Variants in RAB3IL1 observed in about 807,000 individuals in gnomAD.
RAB3IL1 encodes the protein RAB3A interacting protein like 1.
Under a neutral mutation model 49.2 loss-of-function variants are expected in RAB3IL1, and 37 were observed. The ratio of observed to expected loss-of-function variants is 0.75; its 90% CI spans 0.58 to 0.99. The LOEUF (loss-of-function observed/expected upper bound fraction) is 0.99. Among genes scored for constraint, RAB3IL1 ranks in the 50% least tolerant of loss-of-function variants. The probability of loss-of-function intolerance (pLI) is 0.00; values close to 1 mark genes in which losing one functional copy is unlikely to be tolerated. For missense variants in RAB3IL1, 484 were observed against 513.0 expected (o/e 0.94, Z 0.55); for synonymous variants, 193 against 213.9 (o/e 0.90, Z 0.85).
the RAB3IL1 span, chr11:61,945,841 C>T: frequency 3.1e-6 from 3 of 982,972 alleles, no homozygotes; most frequent in African/African-American, 5.2e-5. Context: ...TGCCTTGTGT[C>T]TCTAGTTGGT....
In RAB3IL1 at chr11:61,906,683, A is replaced by G. The variant is rs778133406; in HGVS notation, c.440T>C (p.Ile147Thr). ...TGTCACCTCTGCCTGCAGCATGTCG[A>G]TCTGCATGGGATGGGATGGCTGTCA... ...EKQLKEARGK[I>T]DMLQAEVTAL... Residue 147 changes from isoleucine (I) to threonine (T), a missense_variant and splice_region_variant, in exon 5 of 10, where the codon ATC (isoleucine) becomes ACC (threonine). Coordinates refer to ENST00000394836, the MANE Select transcript of RAB3IL1 (RefSeq NM_013401.4). This position sits in a 1 kb window ranked among gnomAD's most constrained non-coding sequence, Gnocchi z 4.6. 6.2e-6 allele frequency: 10 copies of G among 1,605,844 alleles called. No homozygotes were observed. In the South Asian group the frequency reaches 1.1e-4, roughly 18 times the overall value.
the RAB3IL1 span, among the ~76,000 whole-genome samples, chr11:61,935,132 T>C: frequency 1.1e-4 from 17 of 151,996 alleles, no homozygotes; most frequent in Admixed American, 3.9e-4. Flanking sequence ...AAAAATAAAC[T>C]AATAGAAACT....
chr11:61,921,434 T>TC (rs1939904357), upstream of RAB3IL1, among the ~76,000 whole-genome samples: 3 of 152,190 alleles, frequency 2.0e-5, no homozygotes. Context: ...TCCTCTTCTT[T>TC]CCACATACTA....
chr11:61,942,478 C>G, the RAB3IL1 span, among the ~76,000 whole-genome samples: 1 of 151,902 alleles, frequency 6.6e-6, no homozygotes, highest in Non-Finnish European at 1.5e-5. Context: ...AAAAAACAAA[C>G]AAACAAACAA....
Position 61,898,023 on chromosome 11 carries a change from G to A in RAB3IL1, c.*255C>T, listed in dbSNP as rs1591210834. 13 of 483,804 alleles carry A rather than the reference G, an allele frequency of 2.7e-5. No homozygotes were observed. The allele number at this position is 483,804 out of a possible 1,614,324, so 30.0% of individuals were successfully genotyped here. A position where few individuals can be genotyped will look rare whatever the true frequency, so the allele number is the denominator to read the frequency against. ...ATGGATCCGAGCTCCCTGGTCTTTG[G>A]TGCTTTCTTGAAATCCTCCTGGTGG... is the stretch of plus-strand genomic sequence containing the variant. On this transcript the variant is annotated 3_prime_UTR_variant, in exon 10 of 10. Transcript: ENST00000394836. The surrounding 1 kb of genome is among the most constrained non-coding windows in gnomAD (Gnocchi z 5.1).
In RAB3IL1 at chr11:61,907,380, G is replaced by T. The variant is rs766094284; in HGVS notation, c.438+13C>A. On this transcript the variant is annotated intron_variant, in intron 4 of 9. Coordinates refer to ENST00000394836, the MANE Select transcript of RAB3IL1 (RefSeq NM_013401.4). The stretch of plus-strand genomic sequence containing the variant: ...TGCCTGGGCTGGCCTGGGCAGGCGG[G>T]GATGGGCCTCACCTTGCCCCGAGCC... 1 of 1,612,384 alleles carries T rather than the reference G, an allele frequency of 6.2e-7. No homozygotes were observed. The highest frequency in any genetic ancestry group is 1.7e-5 in the Admixed American group (1 of 59,962).
the RAB3IL1 span, among the ~76,000 whole-genome samples, chr11:61,934,444 G>A: frequency 1.7e-4 from 14 of 83,634 alleles, no homozygotes; most frequent in African/African-American, 4.4e-4. Context: ...GTGTGTGTGT[G>A]TGTATGTATA....
rs1390410267 is a variant in RAB3IL1, at chr11:61,906,690, T to C, written c.439-6A>G. On this transcript the variant is annotated splice_polypyrimidine_tract_variant and splice_region_variant and intron_variant, in intron 4 of 9. Coordinates refer to ENST00000394836, the MANE Select transcript of RAB3IL1 (RefSeq NM_013401.4). This position sits in a 1 kb window ranked among gnomAD's most constrained non-coding sequence, Gnocchi z 4.6. ...TCTGCCTGCAGCATGTCGATCTGCA[T>C]GGGATGGGATGGCTGTCAACCCTCA... 1.8e-5 allele frequency: 29 copies of C among 1,600,314 alleles called. No individual in the cohort carries two copies. Among genetic ancestry groups the C allele is most frequent in the Non-Finnish European group, 2.4e-5 (28 of 1,173,728 alleles).
In RAB3IL1 at chr11:61,906,429, C is replaced by T; in HGVS notation, c.657+37G>A. On this transcript the variant is annotated intron_variant, in intron 5 of 9. Coordinates refer to ENST00000394836, the MANE Select transcript of RAB3IL1 (RefSeq NM_013401.4). The surrounding 1 kb of genome is among the most constrained non-coding windows in gnomAD (Gnocchi z 4.6). ...ACCCTGCCTACCGCAGGCACTGCCA[C>T]CCTTCCCCGTGCCCAGAGCCCGCTT... 1.3e-6 allele frequency: 2 copies of T among 1,521,828 alleles called. No homozygotes were observed. Among genetic ancestry groups the T allele is most frequent in the Non-Finnish European group, 1.8e-6 (2 of 1,132,580 alleles). The allele number at this position is 1,521,828 out of a possible 1,614,324, so 94.3% of individuals were successfully genotyped here. A position where few individuals can be genotyped will look rare whatever the true frequency, so the allele number is the denominator to read the frequency against.
intron 5 of RAB3IL1, among the ~76,000 whole-genome samples, chr11:61,905,334 G>A (rs1005085538): frequency 1.3e-5 from 2 of 152,206 alleles, no homozygotes; most frequent in African/African-American, 2.4e-5. Context: ...CAGGCCACAT[G>A]CAGAATGAGG....
At chr11:61,905,351 G>A (rs1217965373) in intron 5 of RAB3IL1, among the ~76,000 whole-genome samples, 1 of 152,196 alleles carries the variant, frequency 6.6e-6, no homozygotes, top group Non-Finnish European at 1.5e-5. Context: ...GAGGGAGGCT[G>A]GGAGGGGGCA....
At chr11:61,925,608 C>T in the RAB3IL1 span, among the ~76,000 whole-genome samples, 1 of 149,520 alleles carries the variant, frequency 6.7e-6, no homozygotes, top group Non-Finnish European at 1.5e-5. Flanking sequence ...GCACTCTAGC[C>T]TAGGCAACAG....
At chr11:61,900,475 T>G (rs1591215256) in intron 8 of RAB3IL1, among the ~76,000 whole-genome samples, 1 of 150,844 alleles carries the variant, frequency 6.6e-6, no homozygotes, top group Admixed American at 6.6e-5. Context: ...GATAGGGAGG[T>G]GCGAGAGAGC....
At position 61,908,225 on chromosome 11, in the gene RAB3IL1, G is replaced by A; in HGVS notation, c.93C>T (p.Gly31=). 1 of 1,539,974 alleles carries A rather than the reference G, an allele frequency of 6.5e-7. No homozygotes were observed. Among genetic ancestry groups the A allele is most frequent in the African/African-American group, 1.4e-5 (1 of 73,550 alleles). The change falls in exon 2 of 10, where the codon GGC becomes GGT. Residue 31 remains glycine, a synonymous_variant. Coordinates refer to ENST00000394836, the MANE Select transcript of RAB3IL1 (RefSeq NM_013401.4). ...VPWKSTDPCQ[G]HRESPGALVE... ...CCAGGGCTCCTGGGGACTCCCTGTG[G>A]CCTTGGCAGGGGTCCGTGCTCTTCC...
Position 61,908,222 on chromosome 11 carries a change from G to A in RAB3IL1, c.96C>T (p.His32=), listed in dbSNP as rs371283777. Residue 32 remains histidine, a synonymous_variant, in exon 2 of 10, where the codon CAC becomes CAT. Transcript: ENST00000394836. ...CCACCAGGGCTCCTGGGGACTCCCTGTGGCCTTGGCAGGGGTCCGTGCTCT... is the reference window on the plus strand; with the variant it reads ...CCACCAGGGCTCCTGGGGACTCCCTATGGCCTTGGCAGGGGTCCGTGCTCT... ...PWKSTDPCQG[H]RESPGALVET... is the part of the protein sequence containing the mutation. 4 of 1,540,386 alleles carry A rather than the reference G, an allele frequency of 2.6e-6. No individual in the cohort carries two copies. The highest frequency in any genetic ancestry group is 3.5e-6 in the Non-Finnish European group (4 of 1,142,264).
chr11:61,940,672 CA>C, the RAB3IL1 span, among the ~76,000 whole-genome samples: 1 of 151,978 alleles, frequency 6.6e-6, no homozygotes, highest in Non-Finnish European at 1.5e-5. Flanking sequence ...CCTGTAATCC[CA>C]GCACTTCGGG....
rs1373554481 is a variant in RAB3IL1 at position 61,897,621 on chromosome 11, T to C, written c.*657A>G. 1.8e-5 allele frequency: 1 copy of C among 54,766 alleles called. No homozygotes were observed. The highest frequency in any genetic ancestry group is 3.7e-5 in the Non-Finnish European group (1 of 27,206). 3.4% of individuals were successfully genotyped at this position (54,766 alleles called of 1,614,324 possible). A position where few individuals can be genotyped will look rare whatever the true frequency, so the allele number is the denominator to read the frequency against. ...CCAGGAGCACAGGGCTGAGACGGGGTGGGAGGGAAGGTGACAAGGGAGGCC... is the reference window on the plus strand; with the variant it reads ...CCAGGAGCACAGGGCTGAGACGGGGCGGGAGGGAAGGTGACAAGGGAGGCC... On this transcript the variant is annotated 3_prime_UTR_variant, in exon 10 of 10. Coordinates refer to ENST00000394836, the MANE Select transcript of RAB3IL1 (RefSeq NM_013401.4).
At chr11:61,907,727 C>T in intron 2 of RAB3IL1, 67 bp from the exon 3 acceptor site, 3 of 1,401,400 alleles carry the variant, frequency 2.1e-6, no homozygotes, top group Non-Finnish European at 3.0e-6. Flanking sequence ...AGGGACCAGG[C>T]CCACCGGACC....
upstream of RAB3IL1, among the ~76,000 whole-genome samples, chr11:61,919,578 T>TGGCAGC (rs1333029532): frequency 1.3e-5 from 2 of 152,138 alleles, no homozygotes; most frequent in African/African-American, 4.8e-5. Context: ...AGAGGCTCAC[T>TGGCAGC]GGCAGCTGCA....
Sources: allele counts gnomAD v4.1 joint callset (sites outside exome capture counted in the v4.1 genomes callset), GRCh38; gene constraint gnomAD v4.1.1; non-coding constraint Gnocchi (gnomAD v3.1); transcripts MANE v1.5; gene names NCBI Gene and HGNC (gene_info 2026-07-23, HGNC 2026-07-21).